The following ADAM11 variants were observed in gnomAD, a reference collection of about 807,000 sequenced individuals.
ADAM11 encodes the protein disintegrin and metalloproteinase domain-containing protein 11.
In ADAM11, 49 loss-of-function variants were observed where a neutral mutation model predicts 119.1. That is an observed-to-expected ratio of 0.41 (90% CI 0.33 to 0.52). The LOEUF is 0.52. Ranked by LOEUF, ADAM11 falls within the 20% of genes least tolerant of loss-of-function variation. The pLI is 0.20. For missense variants in ADAM11, 777 were observed against 1,047.5 expected, an observed-to-expected ratio of 0.74 and a Z score of 3.56; for synonymous variants, 364 against 408.0, an observed-to-expected ratio of 0.89 and a Z score of 1.30.
rs1386340480 is a variant in ADAM11 at position 44,771,823 on chromosome 17, G to T, written c.535G>T (p.Ala179Ser). 4 of 1,610,854 alleles carry T rather than the reference G, an allele frequency of 2.5e-6. No individual in the cohort carries two copies. The highest frequency in any genetic ancestry group is 3.4e-6 in the Non-Finnish European group (4 of 1,177,452). ...EPQEVAGPWG[A>S]PQGPLPHLIY... ...CCAAGAGGTGGCTGGACCTTGGGGA[G>T]CCCCTCAGGTAAGCCCCACACAACC... is the stretch of plus-strand genomic sequence containing the variant. The change falls in exon 6 of 27, where the codon GCC becomes TCC. Residue 179 changes from alanine to serine, a missense_variant. Physicochemically the swap from Ala to Ser is moderately conservative, Grantham distance 99. This residue lies in a region of ADAM11 where 278 missense variants were observed against 310.1 expected (regional missense o/e 0.90). Transcript: ENST00000200557.
intron 2 of ADAM11, among the ~76,000 whole-genome samples, chr17:44,767,311 C>T (rs2049462126): frequency 7.0e-6 from 1 of 143,190 alleles, no homozygotes; most frequent in East Asian, 2.0e-4. Context: ...GCTGAGATTG[C>T]ACCACTGCAC....
Position 44,775,671 on chromosome 17 carries a change from T to C in ADAM11, c.1480T>C (p.Cys494Arg). The C allele has an allele frequency of 6.3e-7, 1 of 1,583,248 alleles. No homozygotes were observed. The highest frequency in any genetic ancestry group is 8.6e-7 in the Non-Finnish European group (1 of 1,166,754). ...MCSDGLCCRR[C>R]KYEPRGVSCR... ...CAGCGACGGGCTCTGCTGTCGCCGC[T>C]GCAAGGTAAGCAGGACCGGCCGGGA... Residue 494 changes from cysteine to arginine, a missense_variant, in exon 17 of 27, where the codon TGC becomes CGC. Around this residue, in one of 4 missense-constraint regions of ADAM11, gnomAD observed 348 missense variants for 486.7 expected, o/e 0.72. Coordinates refer to ENST00000200557, the MANE Select transcript of ADAM11 (RefSeq NM_002390.6). This position sits in a 1 kb window ranked among gnomAD's most constrained non-coding sequence, Gnocchi z 7.5.
In ADAM11 at chr17:44,776,056, G is replaced by T. The variant is rs1049852447; in HGVS notation, c.1486-71G>T. On this transcript the variant is annotated intron_variant, in intron 17 of 26. Transcript: ENST00000200557. The surrounding 1 kb of genome is among the most constrained non-coding windows in gnomAD (Gnocchi z 5.2). Reference sequence around the variant, plus strand: ...GCCCGGGGATGTGGGGGTCCAGAGAGCGAGGGGCCTGGGGAGGGCAGGGCC... The same window carrying T: ...GCCCGGGGATGTGGGGGTCCAGAGATCGAGGGGCCTGGGGAGGGCAGGGCC... 4.1e-5 allele frequency: 64 copies of T among 1,566,360 alleles called. 2 individuals carry two copies. In the South Asian group the frequency reaches 7.0e-4, roughly 17 times the overall value.
In ADAM11 at chr17:44,772,187, AG is replaced by A; in HGVS notation, c.544-77del. On this transcript the variant is annotated intron_variant, in intron 6 of 26. Transcript: ENST00000200557. The surrounding 1 kb of genome is among the most constrained non-coding windows in gnomAD (Gnocchi z 4.5). The stretch of plus-strand genomic sequence containing the variant: ...GTCACCCCAGGGTGGGGTGGAGGCG[AG>A]GGCTGGATCTGGCCCCCGCCAAGTG... 1 of 1,348,938 alleles carries A rather than the reference AG, an allele frequency of 7.4e-7. No individual in the cohort carries two copies. The highest frequency in any genetic ancestry group is 1.0e-6 in the Non-Finnish European group (1 of 968,084). The allele number at this position is 1,348,938 out of a possible 1,614,324, so 83.6% of individuals were successfully genotyped here. A position where few individuals can be genotyped will look rare whatever the true frequency, so the allele number is the denominator to read the frequency against.
At chr17:44,770,996 C>G (rs2145222861) in intron 4 of ADAM11, among the ~76,000 whole-genome samples, 1 of 152,284 alleles carries the variant, frequency 6.6e-6, no homozygotes, top group African/African-American at 2.4e-5. Flanking sequence ...TGCCTGTAAT[C>G]CCAGCTACTT....
chr17:44,771,895 G>A, intron 6 of ADAM11, 64 bp downstream of exon 6: 1 of 1,540,878 alleles, frequency 6.5e-7, no homozygotes, highest in Non-Finnish European at 8.9e-7. Context: ...CCCAACAGCT[G>A]TTGCTGCCAC....
In ADAM11 at chr17:44,780,207, A is replaced by C; in HGVS notation, c.*453A>C. The C allele has an allele frequency of 4.4e-6, 2 of 459,616 alleles. No individual in the cohort carries two copies. Among genetic ancestry groups the C allele is most frequent in the Non-Finnish European group, 8.5e-6 (2 of 235,494 alleles). 28.5% of individuals were successfully genotyped at this position (459,616 alleles called of 1,614,324 possible). ...CTACATTTTTTAAAACTGAATCTTA[A>C]TCGATGAATGTAAACTCGGGGGTGC... On this transcript the variant is annotated 3_prime_UTR_variant, in exon 27 of 27. Transcript: ENST00000200557.
Position 44,770,055 on chromosome 17 carries a change from G to A in ADAM11, c.381+7G>A. 6.2e-7 allele frequency: 1 copy of A among 1,613,890 alleles called. No homozygotes were observed. Among genetic ancestry groups the A allele is most frequent in the Non-Finnish European group, 8.5e-7 (1 of 1,179,956 alleles). On this transcript the variant is annotated splice_region_variant and intron_variant, in intron 4 of 26. Coordinates refer to ENST00000200557, the MANE Select transcript of ADAM11 (RefSeq NM_002390.6). ...GACAACCCAGCACAGCACCGTGAGT[G>A]CCACTGCAGGGGACCGGGGCCGGGG...
chr17:44,765,322 G>A (rs1567688214), intron 2 of ADAM11, among the ~76,000 whole-genome samples: 4 of 152,228 alleles, frequency 2.6e-5, no homozygotes, highest in East Asian at 3.9e-4. Flanking sequence ...CCCACAAGGT[G>A]GTGGTGTCTC....
intron 1 of ADAM11, 57 bp from the exon 2 acceptor site, chr17:44,759,665 C>T (rs2049365099): frequency 7.6e-7 from 1 of 1,311,800 alleles, no homozygotes; most frequent in South Asian, 3.1e-5. Context: ...CACCCCATTC[C>T]CAAGTCTTCT....
At chr17:44,766,937 G>T (rs924957719) in intron 2 of ADAM11, among the ~76,000 whole-genome samples, 2 of 152,036 alleles carry the variant, frequency 1.3e-5, no homozygotes, top group African/African-American at 4.8e-5. Context: ...GGACATGGAG[G>T]CTCAAGTCTG....
intron 24 of ADAM11, 21 bp downstream of exon 24, chr17:44,778,087 G>A (rs1292776818): frequency 6.2e-7 from 1 of 1,610,256 alleles, no homozygotes; most frequent in Non-Finnish European, 8.5e-7. Context: ...AGCTGGCCGA[G>A]GGGGGTCTGT....
intron 2 of ADAM11, among the ~76,000 whole-genome samples, chr17:44,768,393 C>A (rs977315118): frequency 6.6e-6 from 1 of 152,160 alleles, no homozygotes; most frequent in Admixed American, 6.5e-5. Flanking sequence ...GTTGGTGCCC[C>A]CCTTGCTCCT....
At position 44,772,752 on chromosome 17, in the gene ADAM11, G is replaced by A. The variant is rs979571590; in HGVS notation, c.679-105G>A. Reference sequence around the variant, plus strand: ...CAGTGGGGAGCTGGCACTGTCCCTGGCTGGAGTCCAGACCCCCCCATCCCC... The same window carrying A: ...CAGTGGGGAGCTGGCACTGTCCCTGACTGGAGTCCAGACCCCCCCATCCCC... On this transcript the variant is annotated intron_variant, in intron 8 of 26. Coordinates refer to ENST00000200557, the MANE Select transcript of ADAM11 (RefSeq NM_002390.6). This position sits in a 1 kb window ranked among gnomAD's most constrained non-coding sequence, Gnocchi z 4.5. 5.7e-5 allele frequency: 61 copies of A among 1,066,752 alleles called. No individual in the cohort carries two copies. The highest frequency in any genetic ancestry group is 8.1e-5 in the Admixed American group (4 of 49,312). 66.1% of individuals were successfully genotyped at this position (1,066,752 alleles called of 1,614,324 possible).
chr17:44,774,372 T>C lies in ADAM11; in HGVS notation c.1070T>C (p.Val357Ala). The change falls in exon 12 of 27, where the codon GTG becomes GCG. Residue 357 changes from valine to alanine, a missense_variant. By Grantham distance (64) the Val-to-Ala change is moderately conservative. This residue lies in a region of ADAM11 where 147 missense variants were observed against 223.3 expected (regional missense o/e 0.66). Coordinates refer to ENST00000200557, the MANE Select transcript of ADAM11 (RefSeq NM_002390.6). ...TGCTCCCTGTCCCACGGCGGGGGTG[T>C]GAACGAGGTGAGCAGTGGGGGGACA... ...GICSLSHGGG[V>A]NEYGNMGAMA... The C allele has an allele frequency of 6.7e-7, 1 of 1,482,970 alleles. No homozygotes were observed. Among genetic ancestry groups the C allele is most frequent in the Non-Finnish European group, 9.0e-7 (1 of 1,109,498 alleles). 91.9% of individuals were successfully genotyped at this position (1,482,970 alleles called of 1,614,324 possible).
chr17:44,772,364 C>T lies in ADAM11; in HGVS notation c.610+31C>T. ...GGAGGGAAGGGGGGGTGGGGAGGGG[C>T]CGGCTGTGCCCCCCTCACCTGCCCC... On this transcript the variant is annotated intron_variant, in intron 7 of 26. Coordinates refer to ENST00000200557, the MANE Select transcript of ADAM11 (RefSeq NM_002390.6). This position sits in a 1 kb window ranked among gnomAD's most constrained non-coding sequence, Gnocchi z 4.5. 1 of 1,579,696 alleles carries T rather than the reference C, an allele frequency of 6.3e-7. No individual in the cohort carries two copies. Among genetic ancestry groups the T allele is most frequent in the South Asian group, 1.1e-5 (1 of 87,156 alleles).
intron 2 of ADAM11, among the ~76,000 whole-genome samples, chr17:44,760,657 G>C (rs1455563893): frequency 6.6e-6 from 1 of 152,190 alleles, no homozygotes; most frequent in Non-Finnish European, 1.5e-5. Context: ...GGGCAGGTTG[G>C]CTGGCAAAGG....
In ADAM11 at chr17:44,779,986, G is replaced by A; in HGVS notation, c.*232G>A. 2 of 713,602 alleles carry A rather than the reference G, an allele frequency of 2.8e-6. No homozygotes were observed. The highest frequency in any genetic ancestry group is 2.7e-5 in the East Asian group (1 of 37,248). 44.2% of individuals were successfully genotyped at this position (713,602 alleles called of 1,614,324 possible). A position where few individuals can be genotyped will look rare whatever the true frequency, so the allele number is the denominator to read the frequency against. On this transcript the variant is annotated 3_prime_UTR_variant, in exon 27 of 27. Coordinates refer to ENST00000200557, the MANE Select transcript of ADAM11 (RefSeq NM_002390.6). Reference sequence around the variant, plus strand: ...CACAGTCCCCCACCCACCTCCTGCGGCTCAGCCTTGCACACCCACTGCCCC... The same window carrying A: ...CACAGTCCCCCACCCACCTCCTGCGACTCAGCCTTGCACACCCACTGCCCC...
At chr17:44,764,728 T>C (rs1473501512) in intron 2 of ADAM11, among the ~76,000 whole-genome samples, 1 of 152,042 alleles carries the variant, frequency 6.6e-6, no homozygotes, top group Non-Finnish European at 1.5e-5. Flanking sequence ...TCCTCATTCA[T>C]AAAATGGGGA....
Sources: allele counts gnomAD v4.1 joint callset (sites outside exome capture counted in the v4.1 genomes callset), GRCh38; gene constraint gnomAD v4.1.1; regional missense constraint gnomAD v4.1.1; non-coding constraint Gnocchi (gnomAD v3.1); transcripts MANE v1.5; gene names NCBI Gene and HGNC (gene_info 2026-07-23, HGNC 2026-07-21).